Variants in DIS3 observed in about 807,000 individuals in gnomAD.
DIS3 encodes the protein DIS3 exosome endoribonuclease and 3'-5' exoribonuclease, also known as exosome complex exonuclease RRP44.
In DIS3, 103 loss-of-function variants were observed where a neutral mutation model predicts 113.0. The observed-to-expected ratio is 0.91, with a 90% CI of 0.78 to 1.07. DIS3 has a LOEUF of 1.07. DIS3 is among the 50% of genes least tolerant of loss of function. DIS3 has a pLI of 0.00. For synonymous variants in DIS3, 402 were observed against 394.3 expected, an observed-to-expected ratio of 1.02 and a Z score of -0.23; for missense variants, 1,121 against 1,167.1, an observed-to-expected ratio of 0.96 and a Z score of 0.58.
intron 2 of DIS3, among the ~76,000 whole-genome samples, chr13:72,779,280 C>T (rs918404263): frequency 6.6e-6 from 1 of 151,966 alleles, no homozygotes; most frequent in African/African-American, 2.4e-5. Context: ...CCACCATAAC[C>T]AGCTAATTTT....
chr13:72,778,115 G>C (rs1412410593), intron 3 of DIS3, 72 bp downstream of exon 3: 2 of 1,280,410 alleles, frequency 1.6e-6, no homozygotes, highest in East Asian at 2.4e-5. Flanking sequence ...GTGAACATCT[G>C]ACTATAGGCC....
intron 17 of DIS3, 38 bp downstream of exon 17, chr13:72,761,885 C>G (rs1483160326): frequency 6.2e-7 from 1 of 1,611,716 alleles, no homozygotes; most frequent in Non-Finnish European, 8.5e-7. Context: ...CAAAATTAAC[C>G]ATTTTCTATC....
chr13:72,775,157 A>G, intron 6 of DIS3, 54 bp downstream of exon 6: 2 of 1,489,530 alleles, frequency 1.3e-6, no homozygotes, highest in Non-Finnish European at 1.8e-6. Flanking sequence ...CAAAGCTGAC[A>G]TATTAATAAT....
intron 14 of DIS3, among the ~76,000 whole-genome samples, chr13:72,767,988 A>T (rs751866765): frequency 8.5e-5 from 13 of 152,184 alleles, no homozygotes; most frequent in Non-Finnish European, 1.6e-4. Flanking sequence ...CGCCTTTTGT[A>T]GTTAGGCAAA....
chr13:72,766,606 T>C (rs764103315), intron 14 of DIS3, among the ~76,000 whole-genome samples: 17 of 152,174 alleles, frequency 1.1e-4, no homozygotes, highest in Non-Finnish European at 2.2e-4. Flanking sequence ...TGGCTATTAA[T>C]ATTTGATTGC....
Position 72,757,844 on chromosome 13 carries a change from CGAT to C in DIS3, c.*1948_*1950del, listed in dbSNP as rs1437683921. On this transcript the variant is annotated 3_prime_UTR_variant, in exon 21 of 21. Coordinates refer to ENST00000377767, the MANE Select transcript of DIS3 (RefSeq NM_014953.5). ...TTTTGGTCAACAATGGCCAAATATA[CGAT>C]GATGATCCCGTAAGATTACAATGGA... is the stretch of plus-strand genomic sequence containing the variant. 1 of 208,554 alleles carries C rather than the reference CGAT, an allele frequency of 4.8e-6. No homozygotes were observed. Among genetic ancestry groups the C allele is most frequent in the Non-Finnish European group, 9.8e-6 (1 of 102,412 alleles). 12.9% of individuals were successfully genotyped at this position (208,554 alleles called of 1,614,324 possible).
chr13:72,772,012 A>G (rs2033897455), intron 10 of DIS3, 116 bp from the exon 11 acceptor site: 2 of 1,295,026 alleles, frequency 1.5e-6, no homozygotes, highest in South Asian at 2.7e-5. Flanking sequence ...CACCTCTACC[A>G]TTTCAACTTC....
chr13:72,771,878 CAGCAATATG>C lies in DIS3; in HGVS notation c.1513_1521del (p.His505_Ala507del), dbSNP rs1566246585. 1.9e-6 allele frequency: 3 copies of C among 1,613,594 alleles called. No individual in the cohort carries two copies. Among genetic ancestry groups the C allele is most frequent in the Non-Finnish European group, 2.5e-6 (3 of 1,179,840 alleles). Reference sequence around the variant, plus strand: ...CCTGGCCTAATAAAATGGCTCACATCAGCAATATGAACACCAACCTTAAAAAGATAAAAA... The same window carrying C: ...CCTGGCCTAATAAAATGGCTCACATCAACACCAACCTTAAAAAGATAAAAA... On this transcript the variant is annotated inframe_deletion, in exon 11 of 21. Coordinates refer to ENST00000377767, the MANE Select transcript of DIS3 (RefSeq NM_014953.5).
At chr13:72,760,770 C>T (rs1043415207) in intron 19 of DIS3, 119 bp from the exon 20 acceptor site, 9 of 1,245,924 alleles carry the variant, frequency 7.2e-6, no homozygotes, top group South Asian at 3.3e-5. Flanking sequence ...TAAGCATCTA[C>T]GTGTTCAACA....
intron 1 of DIS3, 122 bp from the exon 2 acceptor site, chr13:72,781,125 C>G: frequency 1.5e-6 from 2 of 1,348,778 alleles, no homozygotes; most frequent in Non-Finnish European, 2.0e-6. Context: ...ATAAGTTAAG[C>G]CAAGAAGCTA....
In DIS3 at chr13:72,762,081, G is replaced by A. The variant is rs904501082; in HGVS notation, c.2184C>T (p.Ala728=). ...TTAGATATGGAAAAGTAGGAGATTC[G>A]GCCTGATCCAAAGACTCAGCCAAAG... ...AKSLAESLDQ[A]ESPTFPYLNT... Residue 728 remains alanine, a synonymous_variant, in exon 17 of 21, where the codon GCC becomes GCT. Transcript: ENST00000377767. 1.9e-5 allele frequency: 31 copies of A among 1,613,796 alleles called. No individual in the cohort carries two copies. Among genetic ancestry groups the A allele is most frequent in the Non-Finnish European group, 2.2e-5 (26 of 1,180,002 alleles).
chr13:72,775,495 C>T (rs2138222366), intron 5 of DIS3, 120 bp from the exon 6 acceptor site: 2 of 1,159,640 alleles, frequency 1.7e-6, no homozygotes, highest in Non-Finnish European at 2.3e-6. Flanking sequence ...CTCTATTTCT[C>T]CTTTATAGAT....
chr13:72,765,304 A>G (rs1425919983), intron 15 of DIS3, among the ~76,000 whole-genome samples: 3 of 152,188 alleles, frequency 2.0e-5, no homozygotes, highest in African/African-American at 7.2e-5. Context: ...TATAATAGTA[A>G]TAACAGCAGA....
In DIS3 at chr13:72,780,318, T is replaced by C. The variant is rs746941923; in HGVS notation, c.386+528A>G. 3.1e-3 allele frequency among the ~76,000 whole-genome samples: 268 copies of C among 87,544 alleles called. 1 individual carries two copies. The highest frequency in any genetic ancestry group is 4.9e-3 in the Admixed American group (26 of 5,326). The allele number at this position is 87,544 out of a possible 152,430, so 57.4% of individuals were successfully genotyped here. A position where few individuals can be genotyped will look rare whatever the true frequency, so the allele number is the denominator to read the frequency against. On this transcript the variant is annotated intron_variant, in intron 2 of 20. Coordinates refer to ENST00000377767, the MANE Select transcript of DIS3 (RefSeq NM_014953.5). ...TCCAGCCTGGGTGACAGAGTGAGAC[T>C]CCATCTCAAAAAAAAAAAAAAAAAA...
rs182972626 is a variant in DIS3 at position 72,770,580 on chromosome 13, T to C, written c.1755+324A>G. ...TAAGACTCTGGTGGCCTGTTCTGCA[T>C]TCTTCTCTGAGAGTAGGTAGCAAAA... is the stretch of plus-strand genomic sequence containing the variant. On this transcript the variant is annotated intron_variant, in intron 13 of 20. Coordinates refer to ENST00000377767, the MANE Select transcript of DIS3 (RefSeq NM_014953.5). Among the ~76,000 whole-genome samples, 1,072 of 152,284 alleles carry C rather than the reference T, an allele frequency of 7.0e-3. 17 individuals carry two copies. Among genetic ancestry groups the C allele is most frequent in the African/African-American group, 0.025 (1,033 of 41,548 alleles).
At position 72,760,631 on chromosome 13, in the gene DIS3, T is replaced by C; in HGVS notation, c.2691A>G (p.Glu897=). 1 of 1,612,862 alleles carries C rather than the reference T, an allele frequency of 6.2e-7. No homozygotes were observed. The highest frequency in any genetic ancestry group is 8.5e-7 in the Non-Finnish European group (1 of 1,179,290). ...TATCAAATACATGGAACACTGTATC[T>C]TCTATTTTAAGTGAGGGTATCTAAA... ...YDDEIPSLKI[E]DTVFHVFDKV... Residue 897 remains glutamate, a synonymous_variant, in exon 20 of 21, where the codon GAA becomes GAG. Coordinates refer to ENST00000377767, the MANE Select transcript of DIS3 (RefSeq NM_014953.5).
Position 72,759,021 on chromosome 13 carries a change from A to G in DIS3, c.*774T>C, listed in dbSNP as rs564811593. ...TCTTTATACAGTTCCCCTCGTGTAT[A>G]TACACTGATATAACTACAATTTAAA... On this transcript the variant is annotated 3_prime_UTR_variant, in exon 21 of 21. Transcript: ENST00000377767. 56 of 176,896 alleles carry G rather than the reference A, an allele frequency of 3.2e-4. No homozygotes were observed. In the East Asian group the frequency reaches 4.6e-3, roughly 15 times the overall value. 11.0% of individuals were successfully genotyped at this position (176,896 alleles called of 1,614,324 possible).
intron 7 of DIS3, 33 bp downstream of exon 7, chr13:72,773,913 T>C: frequency 6.3e-7 from 1 of 1,587,460 alleles, no homozygotes; most frequent in Non-Finnish European, 8.5e-7. Context: ...TGTTTATCAT[T>C]TTTTTATTAC....
chr13:72,770,050 TA>T (rs1374586112), intron 13 of DIS3, among the ~76,000 whole-genome samples: 25 of 152,296 alleles, frequency 1.6e-4, no homozygotes, highest in Admixed American at 1.6e-3. Context: ...AATGGTGACT[TA>T]AACATCATTT....
Sources: gnomAD v4.1 joint callset for allele counts (sites outside exome capture counted in the v4.1 genomes callset) on GRCh38, gnomAD v4.1.1 for gene constraint, MANE v1.5 for transcripts, NCBI Gene and HGNC (gene_info 2026-07-23, HGNC 2026-07-21) for gene names.